The following ARHGEF7 variants were observed in gnomAD, a reference collection of about 807,000 sequenced individuals.
ARHGEF7 encodes the protein Rho guanine nucleotide exchange factor 7, also known as PAK-interacting exchange factor beta.
In ARHGEF7, 33 loss-of-function variants were observed where a neutral mutation model predicts 109.8. The ratio of observed to expected loss-of-function variants is 0.30; its 90% CI spans 0.23 to 0.40. The LOEUF (loss-of-function observed/expected upper bound fraction) is 0.40, where lower values mean the gene tolerates loss of function less well. Ranked by LOEUF, ARHGEF7 falls within the 10% of genes least tolerant of loss-of-function variation. ARHGEF7 has a pLI of 1.00. For missense variants in ARHGEF7, 938 were observed against 1,098.5 expected, an observed-to-expected ratio of 0.85 and a Z score of 2.07; for synonymous variants, 458 against 424.6, an observed-to-expected ratio of 1.08 and a Z score of -0.97.
intron 11 of ARHGEF7, among the ~76,000 whole-genome samples, chr13:111,274,993 GTAAT>G (rs2092396010): frequency 6.6e-6 from 1 of 152,206 alleles, no homozygotes; most frequent in Non-Finnish European, 1.5e-5. Context: ...AAGTCACTGT[GTAAT>G]TGATGTTAGA....
intron 8 of ARHGEF7, among the ~76,000 whole-genome samples, chr13:111,260,898 A>C (rs2153574698): frequency 6.6e-6 from 1 of 152,340 alleles, no homozygotes. Context: ...TGCTTGTTAC[A>C]TTGTTTACAC....
Position 111,131,461 on chromosome 13 carries a change from C to A in ARHGEF7, c.165+15770C>A, listed in dbSNP as rs570156271. Among the ~76,000 whole-genome samples, 2 of 152,080 alleles carry A rather than the reference C, an allele frequency of 1.3e-5. No individual in the cohort carries two copies. The highest frequency in any genetic ancestry group is 6.5e-5 in the Admixed American group (1 of 15,276). ...GCATAGAGCTGTTGGAGCTTAGAGG[C>A]CCCCTGGACTGAAGCATACACGTGG... On this transcript the variant is annotated intron_variant, in intron 1 of 21. Transcript: ENST00000646102. This position sits in a 1 kb window ranked among gnomAD's most constrained non-coding sequence, Gnocchi z 4.4.
chr13:111,223,623 T>G (rs1170067659), intron 5 of ARHGEF7, among the ~76,000 whole-genome samples: 2 of 152,336 alleles, frequency 1.3e-5, no homozygotes, highest in South Asian at 2.1e-4. Context: ...TTCACCGTTG[T>G]GTTGGTGCTT....
At chr13:111,236,129 G>T (rs1175582183) in intron 6 of ARHGEF7, among the ~76,000 whole-genome samples, 1 of 152,182 alleles carries the variant, frequency 6.6e-6, no homozygotes, top group East Asian at 1.9e-4. Context: ...CTGTTATTAT[G>T]AACCATTCAG....
chr13:111,299,208 G>A (rs1445792331), intron 19 of ARHGEF7, among the ~76,000 whole-genome samples: 1 of 152,164 alleles, frequency 6.6e-6, no homozygotes, highest in Non-Finnish European at 1.5e-5. Context: ...GCACGCTGCT[G>A]TGGAAATAAC....
chr13:111,275,757 C>T (rs771000400), intron 12 of ARHGEF7, 79 bp downstream of exon 12: 5 of 1,560,436 alleles, frequency 3.2e-6, no homozygotes, highest in Non-Finnish European at 3.5e-6. Context: ...AAAGGCATCT[C>T]AAGCGATGAA....
chr13:111,299,201 C>T (rs965690642), intron 19 of ARHGEF7, among the ~76,000 whole-genome samples: 4 of 152,286 alleles, frequency 2.6e-5, no homozygotes, highest in South Asian at 2.1e-4. Flanking sequence ...TCCTGTTGCA[C>T]GCTGCTGTGG....
intron 10 of ARHGEF7, 93 bp from the exon 11 acceptor site, chr13:111,274,636 AGT>A (rs1458127085): frequency 1.0e-5 from 6 of 593,182 alleles, no homozygotes; most frequent in Non-Finnish European, 1.7e-5. Flanking sequence ...AGGGTTGAAA[AGT>A]GTTAGAAAAG....
chr13:111,168,513 A>G (rs921845792), intron 2 of ARHGEF7, among the ~76,000 whole-genome samples: 1 of 152,200 alleles, frequency 6.6e-6, no homozygotes, highest in Non-Finnish European at 1.5e-5. Flanking sequence ...TTAACAGGGA[A>G]ATACCAGGGT....
Position 111,272,067 on chromosome 13 carries a change from T to C in ARHGEF7, c.1074-1747T>C, listed in dbSNP as rs1014242091. Among the ~76,000 whole-genome samples the C allele has an allele frequency of 3.9e-5, 6 of 152,184 alleles. No homozygotes were observed. The highest frequency in any genetic ancestry group is 7.3e-5 in the Non-Finnish European group (5 of 68,030). ...CAGAAGGTCTTACGTGCTTAGGAAG[T>C]GGAAGGCTGGTTTCCTAATGACTGT... On this transcript the variant is annotated intron_variant, in intron 9 of 21. Coordinates refer to ENST00000646102, the MANE Select transcript of ARHGEF7 (RefSeq NM_001354046.2). The surrounding 1 kb of genome is among the most constrained non-coding windows in gnomAD (Gnocchi z 5.2).
chr13:111,236,105 G>A (rs529670079), intron 6 of ARHGEF7, among the ~76,000 whole-genome samples: 5 of 152,164 alleles, frequency 3.3e-5, no homozygotes, highest in Non-Finnish European at 5.9e-5. Context: ...AGTAAAACTC[G>A]TAGTAATTTA....
chr13:111,218,375 G>A (rs1164267), intron 5 of ARHGEF7, among the ~76,000 whole-genome samples: 14,048 of 152,048 alleles, frequency 0.092, 677 homozygotes, highest in Non-Finnish European at 0.097. Flanking sequence ...CTGACTTTCC[G>A]ATTTTGAGGC....
intron 8 of ARHGEF7, among the ~76,000 whole-genome samples, chr13:111,250,166 T>C (rs2089550114): frequency 6.6e-6 from 1 of 152,226 alleles, no homozygotes. Flanking sequence ...TTGTCTAGGC[T>C]TTCAGTTCAA....
intron 19 of ARHGEF7, 47 bp from the exon 20 acceptor site, chr13:111,300,701 C>A: frequency 7.8e-7 from 1 of 1,281,110 alleles, no homozygotes; most frequent in Admixed American, 2.1e-5. Flanking sequence ...CTTCATTCTG[C>A]CATGGTATTC....
At position 111,262,397 on chromosome 13, in the gene ARHGEF7, C is replaced by A. The variant is rs950692022; in HGVS notation, c.951-5151C>A. On this transcript the variant is annotated intron_variant, in intron 8 of 21. Transcript: ENST00000646102. ...CATGTGGTTACAGGGGCCCCGTGTC[C>A]CTGTGTGTGTGTGTGCATGTGTGTG... 3.3e-5 allele frequency among the ~76,000 whole-genome samples: 5 copies of A among 151,434 alleles called. No homozygotes were observed. The South Asian group carries it at 1.0e-3, about 32-fold the overall frequency.
rs554324433 is a variant in ARHGEF7 at position 111,254,497 on chromosome 13, C to T, written c.950+10203C>T. 5.0e-5 allele frequency among the ~76,000 whole-genome samples: 7 copies of T among 139,994 alleles called. No homozygotes were observed. In the East Asian group the frequency reaches 6.3e-4, roughly 13 times the overall value. The allele number at this position is 139,994 out of a possible 152,430, so 91.8% of individuals were successfully genotyped here. On this transcript the variant is annotated intron_variant, in intron 8 of 21. Coordinates refer to ENST00000646102, the MANE Select transcript of ARHGEF7 (RefSeq NM_001354046.2). The stretch of plus-strand genomic sequence containing the variant: ...TGAAGGCCGGCCTCAGAAGAGGATT[C>T]GGGCTAAGGCGCTGAGTCGCTAACA...
At chr13:111,209,795 TAA>T in intron 3 of ARHGEF7, 75 bp from the exon 4 acceptor site, 2 of 1,520,692 alleles carry the variant, frequency 1.3e-6, no homozygotes, top group Non-Finnish European at 1.8e-6. Context: ...GCCCTAGTTT[TAA>T]AGTCTAGTGT....
At chr13:111,225,763 ATTCTGAC>A (rs976836225) in intron 5 of ARHGEF7, among the ~76,000 whole-genome samples, 11 of 152,158 alleles carry the variant, frequency 7.2e-5, no homozygotes, top group African/African-American at 2.7e-4. Context: ...TGTTGTGTGT[ATTCTGAC>A]TGCCCTACTG....
rs1595263858 is a variant in ARHGEF7, at chr13:111,258,535, A to G, written c.951-9013A>G. 6.6e-6 allele frequency among the ~76,000 whole-genome samples: 1 copy of G among 152,340 alleles called. No individual in the cohort carries two copies. The highest frequency in any genetic ancestry group is 1.9e-4 in the East Asian group (1 of 5,184). On this transcript the variant is annotated intron_variant, in intron 8 of 21. Transcript: ENST00000646102. This position sits in a 1 kb window ranked among gnomAD's most constrained non-coding sequence, Gnocchi z 4.4. ...AAGCACCCAGTTCCTGTCAGGATCC[A>G]TCATCTGCTGACTAAAGAGTCCTTG... is the stretch of plus-strand genomic sequence containing the variant.
Sources: gnomAD v4.1 joint callset for allele counts (sites outside exome capture counted in the v4.1 genomes callset) on GRCh38, gnomAD v4.1.1 for gene constraint, Gnocchi (gnomAD v3.1) non-coding constraint, MANE v1.5 for transcripts, NCBI Gene and HGNC (gene_info 2026-07-23, HGNC 2026-07-21) for gene names.